Variants in AGBL4 observed in about 807,000 individuals in gnomAD.
AGBL4 encodes the protein cytosolic carboxypeptidase 6.
AGBL4 carries 58 observed loss-of-function variants against 66.4 expected under a neutral mutation model. The ratio of observed to expected loss-of-function variants is 0.87; its 90% CI spans 0.71 to 1.09. The LOEUF (loss-of-function observed/expected upper bound fraction) is 1.09. AGBL4 is among the 50% of genes least tolerant of loss of function. The pLI is 0.00. For synonymous variants in AGBL4, 234 were observed against 222.9 expected, an observed-to-expected ratio of 1.05 and a Z score of -0.44; for missense variants, 579 against 631.0, an observed-to-expected ratio of 0.92 and a Z score of 0.88.
At chr1:49,093,634 T>A (rs550712880) in intron 4 of AGBL4, among the ~76,000 whole-genome samples, 1 of 152,308 alleles carries the variant, frequency 6.6e-6, no homozygotes, top group East Asian at 1.9e-4. Context: ...GAGAAGGTAG[T>A]ATTTGACTGT....
chr1:49,307,830 T>C (rs1440349746), intron 3 of AGBL4, among the ~76,000 whole-genome samples: 1 of 152,166 alleles, frequency 6.6e-6, no homozygotes, highest in Admixed American at 6.6e-5. Context: ...CACACTTCTG[T>C]GAGAACACAC....
At chr1:49,685,345 C>A (rs2124574479) in intron 3 of AGBL4, among the ~76,000 whole-genome samples, 1 of 152,158 alleles carries the variant, frequency 6.6e-6, no homozygotes, top group East Asian at 1.9e-4. Context: ...CCATTGTGAA[C>A]AGTATTGGAA....
chr1:49,772,544 C>G (rs563840308), intron 2 of AGBL4, among the ~76,000 whole-genome samples: 26 of 152,234 alleles, frequency 1.7e-4, no homozygotes, highest in African/African-American at 6.3e-4. Context: ...CTTGTAAGGC[C>G]AGTCTATTGA....
At chr1:49,034,096 A>G (rs1379522093) in intron 5 of AGBL4, among the ~76,000 whole-genome samples, 3 of 151,988 alleles carry the variant, frequency 2.0e-5, no homozygotes, top group Non-Finnish European at 4.4e-5. Flanking sequence ...TTCCCCAGCA[A>G]GCACTCCTTT....
chr1:48,837,680 ACACACACG>A (rs1231994570), intron 6 of AGBL4, among the ~76,000 whole-genome samples: 2 of 129,902 alleles, frequency 1.5e-5, no homozygotes, highest in African/African-American at 5.8e-5. Flanking sequence ...ACACACACAC[ACACACACG>A]CACACACACG....
At chr1:48,567,065 A>T in intron 11 of AGBL4, among the ~76,000 whole-genome samples, 1 of 152,186 alleles carries the variant, frequency 6.6e-6, no homozygotes, top group Middle Eastern at 3.2e-3. Flanking sequence ...GAACACCCTG[A>T]CTAATACAGC....
intron 3 of AGBL4, among the ~76,000 whole-genome samples, chr1:49,534,171 C>CAAAAAAAAAAAAA (rs71059553): frequency 6.0e-5 from 4 of 67,062 alleles, no homozygotes; most frequent in Non-Finnish European, 7.8e-5. Context: ...CACCATTTTA[C>CAAAAAAAAAAAAA]AAAAAAAAAA....
At chr1:49,646,509 G>T (rs557051309) in intron 3 of AGBL4, among the ~76,000 whole-genome samples, 1 of 151,814 alleles carries the variant, frequency 6.6e-6, no homozygotes, top group Non-Finnish European at 1.5e-5. Flanking sequence ...ATTTAAAACT[G>T]CAAAACACCT....
In AGBL4 at chr1:49,327,984, C is replaced by T. The variant is rs1438653792; in HGVS notation, c.283-82120G>A. The stretch of plus-strand genomic sequence containing the variant: ...CAGGTGAGAAAAAAAGAGACATTTC[C>T]GTTTTGAAAAAGGAGACAAATATTC... On this transcript the variant is annotated intron_variant, in intron 3 of 13. Transcript: ENST00000371839. Among the ~76,000 whole-genome samples, 4 of 152,172 alleles carry T rather than the reference C, an allele frequency of 2.6e-5. No individual in the cohort carries two copies. In the East Asian group the frequency reaches 7.7e-4, roughly 29 times the overall value.
At chr1:49,473,022 T>C (rs970497138) in intron 3 of AGBL4, among the ~76,000 whole-genome samples, 2 of 152,080 alleles carry the variant, frequency 1.3e-5, no homozygotes, top group African/African-American at 2.4e-5. Context: ...GGCTGTTGTA[T>C]ATGTATCCTA....
At chr1:49,839,110 A>T (rs907344253) in intron 2 of AGBL4, among the ~76,000 whole-genome samples, 37 of 152,254 alleles carry the variant, frequency 2.4e-4, no homozygotes, top group Admixed American at 1.0e-3. Flanking sequence ...ATTATTTGGG[A>T]ATGAAATATT....
At chr1:49,021,672 G>A (rs1663263256) in intron 5 of AGBL4, among the ~76,000 whole-genome samples, 1 of 152,098 alleles carries the variant, frequency 6.6e-6, no homozygotes, top group South Asian at 2.1e-4. Context: ...CCTAGTCTAT[G>A]GTACTTTGTC....
At chr1:49,881,051 C>T (rs1647247960) in intron 1 of AGBL4, among the ~76,000 whole-genome samples, 2 of 152,098 alleles carry the variant, frequency 1.3e-5, no homozygotes, top group African/African-American at 4.8e-5. Context: ...TGGCCTGCGC[C>T]CACTGTCTGG....
intron 2 of AGBL4, among the ~76,000 whole-genome samples, chr1:49,781,527 A>G (rs1306539603): frequency 6.6e-6 from 1 of 152,206 alleles, no homozygotes; most frequent in African/African-American, 2.4e-5. Context: ...AAAAGGAGAA[A>G]GGGACAATTC....
intron 3 of AGBL4, among the ~76,000 whole-genome samples, chr1:49,273,692 T>G (rs1644108735): frequency 6.6e-6 from 1 of 152,030 alleles, no homozygotes; most frequent in Non-Finnish European, 1.5e-5. Flanking sequence ...ATTTTTATTT[T>G]TCGAGATGGA....
chr1:49,555,998 A>G (rs986637039), intron 3 of AGBL4, among the ~76,000 whole-genome samples: 1 of 152,198 alleles, frequency 6.6e-6, no homozygotes, highest in African/African-American at 2.4e-5. Context: ...AGAACTAGAA[A>G]TACCATTTGA....
In AGBL4 at chr1:48,827,883, G is replaced by A. The variant is rs574897286; in HGVS notation, c.634+39308C>T. Reference sequence around the variant, plus strand: ...AGTATTGAAAATGGGGGCCAGGAGCGGCGGCTCATGCCTGTAATCCCAGCA... The same window carrying A: ...AGTATTGAAAATGGGGGCCAGGAGCAGCGGCTCATGCCTGTAATCCCAGCA... On this transcript the variant is annotated intron_variant, in intron 6 of 13. Coordinates refer to ENST00000371839, the MANE Select transcript of AGBL4 (RefSeq NM_032785.4). Among the ~76,000 whole-genome samples the A allele has an allele frequency of 5.9e-5, 9 of 152,080 alleles. No homozygotes were observed. The South Asian group carries it at 1.2e-3, about 21-fold the overall frequency.
intron 6 of AGBL4, among the ~76,000 whole-genome samples, chr1:48,690,609 G>A (rs1216036361): frequency 1.3e-5 from 2 of 152,030 alleles, no homozygotes; most frequent in African/African-American, 4.8e-5. Context: ...CATATAAGAT[G>A]TATTAACAGG....
chr1:48,734,286 C>A (rs1156938031), intron 6 of AGBL4, among the ~76,000 whole-genome samples: 2 of 152,200 alleles, frequency 1.3e-5, no homozygotes, highest in Non-Finnish European at 2.9e-5. Flanking sequence ...GCTCTGAAAC[C>A]TTATAGCTTT....
Sources: allele counts gnomAD v4.1 joint callset (sites outside exome capture counted in the v4.1 genomes callset), GRCh38; gene constraint gnomAD v4.1.1; transcripts MANE v1.5; gene names NCBI Gene and HGNC (gene_info 2026-07-23, HGNC 2026-07-21).